AOPEP: variants seen among roughly 807,000 people sequenced by gnomAD.
AOPEP encodes the protein aminopeptidase O.
AOPEP carries 77 observed loss-of-function variants against 98.1 expected under a neutral mutation model. The observed-to-expected ratio is 0.78, with a 90% CI of 0.65 to 0.95. The LOEUF (loss-of-function observed/expected upper bound fraction) is 0.95, where lower values mean the gene tolerates loss of function less well. Among genes scored for constraint, AOPEP ranks in the 40% least tolerant of loss-of-function variants. The probability of loss-of-function intolerance (pLI) is 0.00; values close to 1 mark genes in which losing one functional copy is unlikely to be tolerated. For synonymous variants in AOPEP, 346 were observed against 365.3 expected, an observed-to-expected ratio of 0.95 and a Z score of 0.60; for missense variants, 1,024 against 1,024.7, an observed-to-expected ratio of 1.00 and a Z score of 0.01.
chr9:95,067,793 TAG>T (rs1365492609), intron 14 of AOPEP, among the ~76,000 whole-genome samples: 1 of 152,204 alleles, frequency 6.6e-6, no homozygotes, highest in Non-Finnish European at 1.5e-5. Context: ...CAATCACTTG[TAG>T]AACATTTTGT....
chr9:95,092,550 GT>G, the AOPEP span, among the ~76,000 whole-genome samples: 1 of 152,232 alleles, frequency 6.6e-6, no homozygotes, highest in East Asian at 1.9e-4. Flanking sequence ...TGTGCACCCT[GT>G]GGTTTCCATT....
At chr9:95,126,738 G>A in the AOPEP span, 12 of 720,744 alleles carry the variant, frequency 1.7e-5, no homozygotes, top group African/African-American at 1.4e-4. Context: ...TACTGAAAAC[G>A]CCCCACATAC....
At chr9:95,111,694 T>C in the AOPEP span, 1 of 1,606,386 alleles carries the variant, frequency 6.2e-7, no homozygotes, top group Non-Finnish European at 8.5e-7. Flanking sequence ...TTCCTTTGGG[T>C]TTTTAAAGCA....
At chr9:95,033,755 A>G (rs191983248) in intron 13 of AOPEP, among the ~76,000 whole-genome samples, 162 of 152,338 alleles carry the variant, frequency 1.1e-3, no homozygotes, top group Middle Eastern at 3.4e-3. Flanking sequence ...GCAAATCACA[A>G]TACAGTGTTT....
At chr9:95,069,840 A>G (rs1167699024) in intron 14 of AOPEP, among the ~76,000 whole-genome samples, 2 of 152,234 alleles carry the variant, frequency 1.3e-5, no homozygotes, top group East Asian at 3.8e-4. Flanking sequence ...TGTAGACAAG[A>G]GCTGTAGGAA....
rs111368828 is a variant in AOPEP at position 94,955,266 on chromosome 9, T to C, written c.1751T>C (p.Val584Ala). The C allele has an allele frequency of 6.2e-7, 1 of 1,610,930 alleles. No homozygotes were observed. The highest frequency in any genetic ancestry group is 8.5e-7 in the Non-Finnish European group (1 of 1,177,850). Residue 584 changes from valine (V) to alanine (A), a missense_variant, in exon 8 of 17, where the codon GTG (valine) becomes GCG (alanine). Around this residue, in one of 3 missense-constraint regions of AOPEP, gnomAD observed 566 missense variants for 551.7 expected, o/e 1.03. Transcript: ENST00000375315. ...AATCCGGAGAAGATCTTCATGCAGG[T>C]GCATTATTTAAAGGTAAGCACATGT... ...GLNPEKIFMQ[V>A]HYLKGYFLLR...
intron 12 of AOPEP, 44 bp from the exon 13 acceptor site, chr9:95,005,498 G>T (rs1360209315): frequency 6.4e-7 from 1 of 1,561,992 alleles, no homozygotes. Context: ...TGGCCGTCAG[G>T]ACCCTGTCGC....
chr9:95,104,838 G>A, the AOPEP span, among the ~76,000 whole-genome samples: 2 of 152,132 alleles, frequency 1.3e-5, no homozygotes, highest in East Asian at 1.9e-4. Context: ...TCACAGGGCA[G>A]GGCTGACCAT....
chr9:94,771,653 C>G (rs769586970), intron 2 of AOPEP, among the ~76,000 whole-genome samples: 3 of 152,112 alleles, frequency 2.0e-5, no homozygotes, highest in Admixed American at 2.0e-4. Context: ...GCTAGAAATA[C>G]GTTACTTCTG....
rs974437328 is a variant in AOPEP, at chr9:94,933,002, A to G, written c.1661+4471A>G. On this transcript the variant is annotated intron_variant, in intron 7 of 16. Transcript: ENST00000375315. Reference sequence around the variant, plus strand: ...GTCACATGCCATTTTTCATTTGTTAATTATTGAAGATGTCTTTCCCACAGA... The same window carrying G: ...GTCACATGCCATTTTTCATTTGTTAGTTATTGAAGATGTCTTTCCCACAGA... The G allele has an allele frequency of 1.4e-4, 141 of 985,366 alleles. No individual in the cohort carries two copies. In the Middle Eastern group the frequency reaches 2.6e-3, roughly 18 times the overall value. The allele number at this position is 985,366 out of a possible 1,614,324, so 61.0% of individuals were successfully genotyped here.
At chr9:94,873,088 A>G (rs1299270194) in intron 5 of AOPEP, among the ~76,000 whole-genome samples, 3 of 152,188 alleles carry the variant, frequency 2.0e-5, no homozygotes, top group African/African-American at 4.8e-5. Flanking sequence ...AGAAGGCAAC[A>G]AGGAAAGGGT....
At chr9:94,966,766 G>A (rs1267442770) in intron 9 of AOPEP, among the ~76,000 whole-genome samples, 1 of 152,094 alleles carries the variant, frequency 6.6e-6, no homozygotes, top group East Asian at 1.9e-4. Flanking sequence ...ATGTAGTTAT[G>A]CCCCCAATTT....
At chr9:95,089,809 A>G (rs938123852), downstream of AOPEP, among the ~76,000 whole-genome samples, 4 of 152,226 alleles carry the variant, frequency 2.6e-5, no homozygotes, top group African/African-American at 7.2e-5. Context: ...GACCTGTCAC[A>G]GGTTCTCAGT....
At chr9:95,117,832 TCCTC>T in the AOPEP span, among the ~76,000 whole-genome samples, 1 of 151,592 alleles carries the variant, frequency 6.6e-6, no homozygotes, top group Non-Finnish European at 1.5e-5. Context: ...CAAGCGATTC[TCCTC>T]CCTGTCTCCC....
At chr9:94,983,939 A>G (rs1564482254) in intron 11 of AOPEP, among the ~76,000 whole-genome samples, 1 of 142,656 alleles carries the variant, frequency 7.0e-6, no homozygotes, top group South Asian at 2.2e-4. Context: ...GGCCTTGCAT[A>G]TATTAACAGT....
At chr9:94,891,328 G>C (rs534244484) in intron 5 of AOPEP, among the ~76,000 whole-genome samples, 15 of 152,246 alleles carry the variant, frequency 9.9e-5, no homozygotes, top group African/African-American at 3.6e-4. Context: ...CGCTTGAAGT[G>C]AATTTCTTAC....
the AOPEP span, among the ~76,000 whole-genome samples, chr9:95,116,494 C>G: frequency 6.6e-6 from 1 of 152,180 alleles, no homozygotes; most frequent in Non-Finnish European, 1.5e-5. Flanking sequence ...TCTACTCACT[C>G]AAGTCTCAGA....
intron 2 of AOPEP, among the ~76,000 whole-genome samples, chr9:94,766,723 A>G (rs1391947099): frequency 1.3e-5 from 2 of 152,212 alleles, no homozygotes; most frequent in Non-Finnish European, 2.9e-5. Flanking sequence ...TAGAAAAACT[A>G]TAGCTATTTG....
At chr9:94,846,910 C>CTGAA (rs753534261) in intron 5 of AOPEP, among the ~76,000 whole-genome samples, 110 of 151,796 alleles carry the variant, frequency 7.2e-4, no homozygotes, top group Middle Eastern at 6.9e-3. Context: ...GACTCTGTCT[C>CTGAA]TGAATGAATG....
Sources: gnomAD v4.1 joint callset for allele counts (sites outside exome capture counted in the v4.1 genomes callset) on GRCh38, gnomAD v4.1.1 for gene constraint, gnomAD v4.1.1 regional missense constraint, MANE v1.5 for transcripts, NCBI Gene and HGNC (gene_info 2026-07-23, HGNC 2026-07-21) for gene names.